The following HEY1 variants were observed in gnomAD, a reference collection of about 807,000 sequenced individuals.
The protein encoded by HEY1 is hairy/enhancer-of-split related with YRPW motif protein 1.
HEY1 carries 9 observed loss-of-function variants against 28.7 expected under a neutral mutation model. The ratio of observed to expected loss-of-function variants is 0.31; its 90% CI spans 0.19 to 0.55. The LOEUF (loss-of-function observed/expected upper bound fraction) is 0.55, where lower values mean the gene tolerates loss of function less well. Ranked by LOEUF, HEY1 falls within the 20% of genes least tolerant of loss-of-function variation. The pLI is 0.93. For synonymous variants in HEY1, 213 were observed against 175.6 expected, an observed-to-expected ratio of 1.21 and a Z score of -1.68; for missense variants, 385 against 399.4, an observed-to-expected ratio of 0.96 and a Z score of 0.31.
In HEY1 at chr8:79,767,092, T is replaced by A; in HGVS notation, c.166A>T (p.Ile56Leu). 6.2e-7 allele frequency: 1 copy of A among 1,613,474 alleles called. No individual in the cohort carries two copies. Among genetic ancestry groups the A allele is most frequent in the Non-Finnish European group, 8.5e-7 (1 of 1,179,526 alleles). Residue 56 changes from isoleucine (I) to leucine (L), a missense_variant and splice_region_variant, in exon 3 of 5, where the codon ATA becomes TTA. By Grantham distance (5) the Ile-to-Leu change is conservative (BLOSUM62 2). Coordinates refer to ENST00000354724, the MANE Select transcript of HEY1 (RefSeq NM_012258.4). ...CGGTCTCGTCGGCGCTTCTCAATTATCTGCAGAAGGCAAGCAAAACAAAGG... is the reference window on the plus strand; with the variant it reads ...CGGTCTCGTCGGCGCTTCTCAATTAACTGCAGAAGGCAAGCAAAACAAAGG... ...QILARKRRRG[I>L]IEKRRRDRIN...
chr8:79,766,258 AGGC>A, intron 4 of HEY1: 2 of 1,534,160 alleles, frequency 1.3e-6, no homozygotes, highest in Non-Finnish European at 1.7e-6. Context: ...TTTCCTCAAG[AGGC>A]ATGTGGCAGC....
In HEY1 at chr8:79,765,371, G is replaced by A. The variant is rs1222490475; in HGVS notation, c.732C>T (p.Val244=). 1 of 1,591,630 alleles carries A rather than the reference G, an allele frequency of 6.3e-7. No individual in the cohort carries two copies. Among genetic ancestry groups the A allele is most frequent in the Non-Finnish European group, 8.6e-7 (1 of 1,169,052 alleles). ...SGSLGPVLPV[V]TSASKLSPPL... ...GCGGCGACAGTTTGGAGGCGGAGGT[G>A]ACCACAGGGAGCACCGGTCCGAGGC... Residue 244 remains valine, a synonymous_variant, in exon 5 of 5, where the codon GTC becomes GTT. Coordinates refer to ENST00000354724, the MANE Select transcript of HEY1 (RefSeq NM_012258.4).
At chr8:79,766,197 A>C (rs1807829815) in intron 4 of HEY1, 12 of 1,533,326 alleles carry the variant, frequency 7.8e-6, no homozygotes, top group Non-Finnish European at 1.0e-5. Context: ...AGACATACAC[A>C]CAGACCTTGG....
Position 79,765,110 on chromosome 8 carries a change from G to A in HEY1, c.*78C>T. The A allele has an allele frequency of 1.1e-6, 1 of 918,362 alleles. No individual in the cohort carries two copies. Among genetic ancestry groups the A allele is most frequent in the Non-Finnish European group, 1.5e-6 (1 of 652,658 alleles). 56.9% of individuals were successfully genotyped at this position (918,362 alleles called of 1,614,324 possible). A position where few individuals can be genotyped will look rare whatever the true frequency, so the allele number is the denominator to read the frequency against. Reference sequence around the variant, plus strand: ...CTTTTTCCTTTTTACTTTTACTGACGACTTTAAGGTGATGTTGGCAACAGT... The same window carrying A: ...CTTTTTCCTTTTTACTTTTACTGACAACTTTAAGGTGATGTTGGCAACAGT... On this transcript the variant is annotated 3_prime_UTR_variant, in exon 5 of 5. Coordinates refer to ENST00000354724, the MANE Select transcript of HEY1 (RefSeq NM_012258.4).
In HEY1 at chr8:79,765,245, C is replaced by G; in HGVS notation, c.858G>C (p.Gln286His). 6.4e-7 allele frequency: 1 copy of G among 1,553,858 alleles called. No individual in the cohort carries two copies. The highest frequency in any genetic ancestry group is 8.7e-7 in the Non-Finnish European group (1 of 1,147,862). The change falls in exon 5 of 5, where the codon CAG becomes CAC. Residue 286 changes from glutamine (Q) to histidine (H), a missense_variant. This residue lies in a region of HEY1 where 223 missense variants were observed against 215.9 expected (regional missense o/e 1.03). Transcript: ENST00000354724. ...PNALSPSAPT[Q>H]AANLGKPYRP... The stretch of plus-strand genomic sequence containing the variant: ...TATAGGGCTTGCCAAGGTTTGCAGC[C>G]TGCGTGGGTGCTGAAGGGCTCAGTG...
At chr8:79,767,162 G>A in intron 2 of HEY1, 57 bp downstream of exon 2, 1 of 1,570,924 alleles carries the variant, frequency 6.4e-7, no homozygotes, top group Non-Finnish European at 8.7e-7. Flanking sequence ...CAAAAAAAAA[G>A]GTGGTTATTT....
In HEY1 at chr8:79,766,344, C is replaced by T; in HGVS notation, c.331+307G>A. 3 of 1,493,462 alleles carry T rather than the reference C, an allele frequency of 2.0e-6. No individual in the cohort carries two copies. The East Asian group carries it at 7.4e-5, about 37-fold the overall frequency. 92.5% of individuals were successfully genotyped at this position (1,493,462 alleles called of 1,614,324 possible). On this transcript the variant is annotated intron_variant, in intron 4 of 4. Transcript: ENST00000354724. ...TTTTAAATGCTTTTTCTCAAAATAG[C>T]AATGGACAAATGTGAAAGCTACCTG... is the stretch of plus-strand genomic sequence containing the variant.
chr8:79,767,738 G>T lies in HEY1; in HGVS notation c.-75C>A. The T allele has an allele frequency of 2.9e-6, 3 of 1,038,952 alleles. No homozygotes were observed. Among genetic ancestry groups the T allele is most frequent in the Non-Finnish European group, 4.3e-6 (3 of 692,534 alleles). 64.4% of individuals were successfully genotyped at this position (1,038,952 alleles called of 1,614,324 possible). A position where few individuals can be genotyped will look rare whatever the true frequency, so the allele number is the denominator to read the frequency against. On this transcript the variant is annotated 5_prime_UTR_variant, in exon 1 of 5. Coordinates refer to ENST00000354724, the MANE Select transcript of HEY1 (RefSeq NM_012258.4). ...GAGTTAACTACAGCGGCGCCTCTCC[G>T]CTCTCGGCTGCTTGCGTTCCGCACA...
In HEY1 at chr8:79,765,539, C is replaced by A; in HGVS notation, c.564G>T (p.Pro188=). 1 of 1,613,876 alleles carries A rather than the reference C, an allele frequency of 6.2e-7. No individual in the cohort carries two copies. The highest frequency in any genetic ancestry group is 8.5e-7 in the Non-Finnish European group (1 of 1,180,016). ...GCAGCAACAGCGGGTGCGCGATGTGCGGGTGATGTCCGAAGACGGTCCCCC... is the reference window on the plus strand; with the variant it reads ...GCAGCAACAGCGGGTGCGCGATGTGAGGGTGATGTCCGAAGACGGTCCCCC... ...IPWGTVFGHH[P]HIAHPLLLPQ... Residue 188 remains proline, a synonymous_variant, in exon 5 of 5, where the codon CCG becomes CCT. Coordinates refer to ENST00000354724, the MANE Select transcript of HEY1 (RefSeq NM_012258.4).
chr8:79,766,885 C>T, intron 3 of HEY1, 124 bp downstream of exon 3: 2 of 1,185,800 alleles, frequency 1.7e-6, no homozygotes, highest in South Asian at 1.3e-5. Flanking sequence ...ACGCTGGTAT[C>T]TGTGTACGAA....
In HEY1 at chr8:79,767,041, T is replaced by A; in HGVS notation, c.217A>T (p.Arg73Ter). ...TCAAAAGCACTGGGTACCAGCCTTC[T>A]CAGCTCAGACAAACTGTTATTGATC... ...DRINNSLSEL[R>*]RLVPSAFEKQ... Residue 73 changes from arginine (R) to a stop codon, truncating the protein, a stop_gained, in exon 3 of 5, where the codon AGA becomes TGA. Transcript: ENST00000354724. LOFTEE classifies it high-confidence loss of function. The A allele has an allele frequency of 6.2e-7, 1 of 1,614,152 alleles. No homozygotes were observed.
At chr8:79,767,479 C>G in intron 1 of HEY1, 96 bp downstream of exon 1, 1 of 1,286,240 alleles carries the variant, frequency 7.8e-7, no homozygotes, top group East Asian at 2.4e-5. Flanking sequence ...CAGCGCAGGG[C>G]ACCGGCGCGC....
chr8:79,764,977 A>G lies in HEY1; in HGVS notation c.*211T>C. On this transcript the variant is annotated 3_prime_UTR_variant, in exon 5 of 5. Transcript: ENST00000354724. ...ATGTCTTGAACAAAATTTAACAACT[A>G]GTTTTTAAAAACTGCTAATACATGA... 2.2e-6 allele frequency: 1 copy of G among 458,090 alleles called. No homozygotes were observed. Among genetic ancestry groups the G allele is most frequent in the Admixed American group, 3.9e-5 (1 of 25,882 alleles). 28.4% of individuals were successfully genotyped at this position (458,090 alleles called of 1,614,324 possible). A position where few individuals can be genotyped will look rare whatever the true frequency, so the allele number is the denominator to read the frequency against.
intron 4 of HEY1, 174 bp downstream of exon 4, chr8:79,766,477 G>A: frequency 1.3e-6 from 2 of 1,502,540 alleles, no homozygotes; most frequent in South Asian, 1.4e-5. Flanking sequence ...GAATTCACTG[G>A]AGAAGATTCT....
At position 79,765,440 on chromosome 8, in the gene HEY1, C is replaced by T; in HGVS notation, c.663G>A (p.Ser221=). The T allele has an allele frequency of 1.9e-6, 3 of 1,612,512 alleles. No individual in the cohort carries two copies. Among genetic ancestry groups the T allele is most frequent in the South Asian group, 1.1e-5 (1 of 90,922 alleles). ...GCAAAGCAGGCGCCTCCGGATGTGCCGAGCCCAGCCTGCCCTGGTGGTGCG... is the reference window on the plus strand; with the variant it reads ...GCAAAGCAGGCGCCTCCGGATGTGCTGAGCCCAGCCTGCCCTGGTGGTGCG... ...TEPHHQGRLG[S]AHPEAPALRA... Residue 221 remains serine, a synonymous_variant, in exon 5 of 5, where the codon TCG becomes TCA. Transcript: ENST00000354724.
chr8:79,767,441 C>A, intron 1 of HEY1, 134 bp downstream of exon 1: 1 of 1,134,562 alleles, frequency 8.8e-7, no homozygotes, highest in Non-Finnish European at 1.3e-6. Context: ...TGGCCGCAGG[C>A]TGCCGCCAGC....
At chr8:79,766,159 A>C in intron 4 of HEY1, 1 of 1,427,128 alleles carries the variant, frequency 7.0e-7, no homozygotes, top group Non-Finnish European at 9.4e-7. Context: ...AGGCACTTGG[A>C]CCTCAGTAAA....
Position 79,767,638 on chromosome 8 carries a change from C to T in HEY1, c.26G>A (p.Ser9Asn). MKRAHPEY[S>N]SSDSELDETI... Reference sequence around the variant, plus strand: ...CTCGTCCAGCTCGCTGTCCGAGGAGCTGTACTCGGGGTGAGCTCGCTTCAT... The same window carrying T: ...CTCGTCCAGCTCGCTGTCCGAGGAGTTGTACTCGGGGTGAGCTCGCTTCAT... The change falls in exon 1 of 5, where the codon AGC (serine) becomes AAC (asparagine). Residue 9 changes from serine to asparagine, a missense_variant. Ser to Asn is a conservative substitution (Grantham distance 46, BLOSUM62 1). Around this residue, in one of 3 missense-constraint regions of HEY1, gnomAD observed 79 missense variants for 60.7 expected, o/e 1.30. Transcript: ENST00000354724. 6.2e-7 allele frequency: 1 copy of T among 1,608,106 alleles called. No homozygotes were observed.
At position 79,766,274 on chromosome 8, in the gene HEY1, C is replaced by CT. The variant is rs527939634; in HGVS notation, c.331+376dup. On this transcript the variant is annotated intron_variant, in intron 4 of 4. Coordinates refer to ENST00000354724, the MANE Select transcript of HEY1 (RefSeq NM_012258.4). The stretch of plus-strand genomic sequence containing the variant: ...TTCCTCAAGAGGCATGTGGCAGCAC[C>CT]TTTTTTTTAAAATCCCGTATACCAA... The CT allele has an allele frequency of 2.7e-4, 412 of 1,521,444 alleles. 1 individual carries two copies. The African/African-American group carries it at 4.3e-3, about 16-fold the overall frequency. 94.2% of individuals were successfully genotyped at this position (1,521,444 alleles called of 1,614,324 possible). A position where few individuals can be genotyped will look rare whatever the true frequency, so the allele number is the denominator to read the frequency against.
Sources: gnomAD v4.1 joint callset for allele counts on GRCh38, gnomAD v4.1.1 for gene constraint, gnomAD v4.1.1 regional missense constraint, MANE v1.5 for transcripts, NCBI Gene and HGNC (gene_info 2026-07-23, HGNC 2026-07-21) for gene names.